Variants in FXYD3 observed in about 807,000 individuals in gnomAD.
The protein encoded by FXYD3 is FXYD domain containing ion transport regulator 3.
Under a neutral mutation model 19.2 loss-of-function variants are expected in FXYD3, and 13 were observed. The observed-to-expected ratio is 0.68, with a 90% confidence interval of 0.44 to 1.08. The LOEUF is 1.08. FXYD3 is among the 50% of genes least tolerant of loss of function. FXYD3 has a pLI of 0.00. For missense variants in FXYD3, 101 were observed against 109.4 expected (o/e 0.92, Z 0.34); for synonymous variants, 48 against 38.9 (o/e 1.23, Z -0.87).
In FXYD3 at chr19:35,117,810, G is replaced by T. The variant is rs2064933351; in HGVS notation, c.-15+1451G>T. On this transcript the variant is annotated intron_variant, in intron 2 of 8. Transcript: ENST00000604404. ...AACTAAAATTGTGAGTTCAGCATGTGGAATTAACTGGGAAGCTGAGAGGAT... is the reference window on the plus strand; with the variant it reads ...AACTAAAATTGTGAGTTCAGCATGTTGAATTAACTGGGAAGCTGAGAGGAT... Among the ~76,000 whole-genome samples the T allele has an allele frequency of 1.6e-5, 2 of 125,254 alleles. 1 individual carries two copies. The highest frequency in any genetic ancestry group is 3.3e-5 in the Non-Finnish European group (2 of 61,438). 82.2% of individuals were successfully genotyped at this position (125,254 alleles called of 152,430 possible).
intron 2 of FXYD3, 157 bp downstream of exon 2, chr19:35,116,516 G>T (rs371594290): frequency 1.0e-6 from 1 of 985,452 alleles, no homozygotes; most frequent in Non-Finnish European, 1.2e-6. Flanking sequence ...ATAAACGGAA[G>T]TCCCTTCCCC....
intron 2 of FXYD3, 136 bp from the exon 3 acceptor site, chr19:35,119,227 C>A (rs547252248): frequency 6.2e-7 from 1 of 1,604,026 alleles, no homozygotes; most frequent in South Asian, 1.1e-5. Flanking sequence ...CTCAGCCCAG[C>A]GAGATGCCAG....
At chr19:35,123,084 TTTA>T (rs1453256822) in intron 7 of FXYD3, 130 bp downstream of exon 7, 8 of 1,458,030 alleles carry the variant, frequency 5.5e-6, no homozygotes, top group African/African-American at 1.4e-5. Flanking sequence ...GATTTCCAGG[TTTA>T]TTGTTTCTAG....
chr19:35,119,407 T>A lies in FXYD3; in HGVS notation c.31T>A (p.Phe11Ile). 6.2e-7 allele frequency: 1 copy of A among 1,613,992 alleles called. No homozygotes were observed. ...GAAGGTGACCCTGGGCCTGCTTGTG[T>A]TCCTGGCAGGTGAGTACCCATCCCC... MQKVTLGLLV[F>I]LAGFPVLDAN... is the part of the protein sequence containing the mutation. The change falls in exon 3 of 9, where the codon TTC becomes ATC. Residue 11 changes from phenylalanine (F) to isoleucine (I), a missense_variant. By Grantham distance (21) the Phe-to-Ile change is conservative. Transcript: ENST00000604404.
At chr19:35,116,720 G>T in intron 2 of FXYD3, 1 of 985,420 alleles carries the variant, frequency 1.0e-6, no homozygotes, top group Non-Finnish European at 1.2e-6. Flanking sequence ...GACCAGGGGT[G>T]CGTAGATGGA....
At chr19:35,119,278 CA>C (rs778251891) in intron 2 of FXYD3, 84 bp from the exon 3 acceptor site, 1 of 1,610,938 alleles carries the variant, frequency 6.2e-7, no homozygotes, top group Non-Finnish European at 8.5e-7. Context: ...GCCTGGGGAG[CA>C]GGGGAGGAGG....
chr19:35,119,208 G>A (rs534126569), intron 2 of FXYD3, 155 bp from the exon 3 acceptor site: 19 of 1,584,996 alleles, frequency 1.2e-5, no homozygotes, highest in Admixed American at 1.1e-4. Context: ...GTGCAGCTGC[G>A]GCTTATCTCT....
intron 6 of FXYD3, 30 bp from the exon 7 acceptor site, chr19:35,122,888 C>A (rs2065076642): frequency 6.2e-7 from 1 of 1,613,612 alleles, no homozygotes; most frequent in African/African-American, 1.3e-5. Flanking sequence ...TGGGGCTCCC[C>A]TCCCCTGACC....
chr19:35,119,504 T>A (rs2064985852), intron 3 of FXYD3, 88 bp downstream of exon 3: 1 of 1,230,964 alleles, frequency 8.1e-7, no homozygotes, highest in Non-Finnish European at 1.2e-6. Flanking sequence ...CTTTTCTACC[T>A]CCCCGGGAAG....
chr19:35,118,458 C>T, intron 2 of FXYD3: 1 of 988,962 alleles, frequency 1.0e-6, no homozygotes. Context: ...GAGGCCAGGG[C>T]TTGGTGCAGC....
At chr19:35,118,603 G>A in intron 2 of FXYD3, 2 of 997,066 alleles carry the variant, frequency 2.0e-6, no homozygotes, top group Non-Finnish European at 2.4e-6. Context: ...GCCTAGGGTA[G>A]GGTCAGGGGC....
In FXYD3 at chr19:35,123,599, C is replaced by T. The variant is rs1041198103; in HGVS notation, c.*142C>T. On this transcript the variant is annotated 3_prime_UTR_variant, in exon 9 of 9. Coordinates refer to ENST00000604404, the MANE Select transcript of FXYD3 (RefSeq NM_005971.4). ...CATGGCAGGGCCTCATCTCACCTCTCGCAAGAGGGTCTCTTTGTTCAATTT... is the reference window on the plus strand; with the variant it reads ...CATGGCAGGGCCTCATCTCACCTCTTGCAAGAGGGTCTCTTTGTTCAATTT... 23 of 798,216 alleles carry T rather than the reference C, an allele frequency of 2.9e-5. No individual in the cohort carries two copies. The highest frequency in any genetic ancestry group is 3.3e-4 in the Middle Eastern group (1 of 3,058). The allele number at this position is 798,216 out of a possible 1,614,324, so 49.4% of individuals were successfully genotyped here.
At chr19:35,119,672 TTTG>T in intron 3 of FXYD3, 1 of 431,584 alleles carries the variant, frequency 2.3e-6, no homozygotes, top group Non-Finnish European at 4.0e-6. Flanking sequence ...TGTTTTTGTT[TTTG>T]TTTTTGTTTT....
In FXYD3 at chr19:35,117,269, G is replaced by T. The variant is rs954259989; in HGVS notation, c.-15+910G>T. 20 of 1,501,372 alleles carry T rather than the reference G, an allele frequency of 1.3e-5. No individual in the cohort carries two copies. The African/African-American group carries it at 2.6e-4, about 19-fold the overall frequency. 93.0% of individuals were successfully genotyped at this position (1,501,372 alleles called of 1,614,324 possible). ...CGTTGTTTTGCAGAGGCTGGGGCGA[G>T]GAGGATACCATCTGTCAGTCTTGGC... On this transcript the variant is annotated intron_variant, in intron 2 of 8. Transcript: ENST00000604404.
At chr19:35,116,673 G>C in intron 2 of FXYD3, 1 of 985,250 alleles carries the variant, frequency 1.0e-6, no homozygotes, top group Non-Finnish European at 1.2e-6. Flanking sequence ...CTGGGTGGAG[G>C]AGAGGGGGTG....
chr19:35,117,219 C>A (rs1246040054), intron 2 of FXYD3: 23 of 1,435,220 alleles, frequency 1.6e-5, no homozygotes, highest in Admixed American at 3.5e-5. Context: ...CGGCTCCCTG[C>A]AGCCTCCGGA....
At chr19:35,117,757 C>CAA (rs67977522) in intron 2 of FXYD3, among the ~76,000 whole-genome samples, 1 of 65,716 alleles carries the variant, frequency 1.5e-5, no homozygotes. Flanking sequence ...TTTCTTCCCG[C>CAA]AAAAAAAGGA....
intron 3 of FXYD3, chr19:35,119,781 C>T: frequency 3.6e-6 from 1 of 278,942 alleles, no homozygotes; most frequent in Admixed American, 5.0e-5. Flanking sequence ...AGCGATCCTA[C>T]TCTCTTAGCC....
intron 5 of FXYD3, 30 bp from the exon 6 acceptor site, chr19:35,122,735 G>T (rs1361974266): frequency 2.6e-6 from 4 of 1,563,720 alleles, no homozygotes; most frequent in Admixed American, 1.7e-5. Context: ...ACACAGGCTG[G>T]CACTGAGGTC....
Sources: gnomAD v4.1 joint callset for allele counts (sites outside exome capture counted in the v4.1 genomes callset) on GRCh38, gnomAD v4.1.1 for gene constraint, MANE v1.5 for transcripts, NCBI Gene and HGNC (gene_info 2026-07-23, HGNC 2026-07-21) for gene names.